MNAT1: variants seen among roughly 807,000 people sequenced by gnomAD.
MNAT1 encodes CDK-activating kinase assembly factor MAT1.
MNAT1 carries 43 observed loss-of-function variants against 42.0 expected under a neutral mutation model. That is an observed-to-expected ratio of 1.02 (90% CI 0.80 to 1.32). The LOEUF is 1.32. MNAT1 is among the 40% of genes most tolerant of loss of function. MNAT1 has a pLI of 0.00. For synonymous variants in MNAT1, 118 were observed against 120.0 expected, an observed-to-expected ratio of 0.98 and a Z score of 0.11; for missense variants, 306 against 350.4, an observed-to-expected ratio of 0.87 and a Z score of 1.01.
chr14:60,910,271 C>G (rs1433211680), intron 7 of MNAT1, among the ~76,000 whole-genome samples: 3 of 152,202 alleles, frequency 2.0e-5, no homozygotes, highest in East Asian at 1.9e-4. Context: ...CATCTGCAAA[C>G]AGGGACAATT....
In MNAT1 at chr14:60,937,838, A is replaced by G. The variant is rs556637517; in HGVS notation, c.810-30391A>G. 3.6e-3 allele frequency among the ~76,000 whole-genome samples: 551 copies of G among 151,862 alleles called. 3 individuals are homozygous for G. Among genetic ancestry groups the G allele is most frequent in the South Asian group, 0.025 (119 of 4,784 alleles). On this transcript the variant is annotated intron_variant, in intron 7 of 7. Transcript: ENST00000261245. Reference sequence around the variant, plus strand: ...CCTTGGGCAGTATGGCCATTTTCACAATATTGATTCTTCCTACCCATGAGC... The same window carrying G: ...CCTTGGGCAGTATGGCCATTTTCACGATATTGATTCTTCCTACCCATGAGC...
At chr14:60,869,040 A>ATATATATTTTTTTTTTTTTT (rs1465360826) in intron 6 of MNAT1, among the ~76,000 whole-genome samples, 1 of 113,054 alleles carries the variant, frequency 8.8e-6, no homozygotes, top group African/African-American at 3.4e-5. Context: ...ATATATATAT[A>ATATATATTTTTTTTTTTTTT]TTTTTTTTTT....
At chr14:60,965,627 T>A (rs2139627957) in intron 7 of MNAT1, among the ~76,000 whole-genome samples, 1 of 152,366 alleles carries the variant, frequency 6.6e-6, no homozygotes, top group Non-Finnish European at 1.5e-5. Flanking sequence ...AAACAGTTAG[T>A]TGCACAGTGG....
At chr14:60,828,017 T>C (rs965180228) in intron 6 of MNAT1, among the ~76,000 whole-genome samples, 5 of 152,184 alleles carry the variant, frequency 3.3e-5, no homozygotes, top group Non-Finnish European at 7.4e-5. Context: ...TTGGTGAGTA[T>C]TTTAATGTGA....
intron 7 of MNAT1, among the ~76,000 whole-genome samples, chr14:60,907,628 C>T (rs2035231248): frequency 6.6e-6 from 1 of 150,378 alleles, no homozygotes; most frequent in South Asian, 2.1e-4. Flanking sequence ...TAAAAAAATA[C>T]AAAATTAGCA....
chr14:60,919,999 G>T, intron 7 of MNAT1: 1 of 153,580 alleles, frequency 6.5e-6, no homozygotes, highest in South Asian at 1.8e-4. Context: ...TACTGCAGAT[G>T]ACAAAGGTAT....
chr14:60,750,295 C>A (rs2030021637), intron 1 of MNAT1, among the ~76,000 whole-genome samples: 1 of 151,104 alleles, frequency 6.6e-6, no homozygotes, highest in Admixed American at 6.6e-5. Flanking sequence ...GGCGCGATCT[C>A]GGCTCACTGC....
intron 6 of MNAT1, among the ~76,000 whole-genome samples, chr14:60,849,861 G>A (rs1171165403): frequency 1.3e-5 from 2 of 151,384 alleles, no homozygotes; most frequent in African/African-American, 4.9e-5. Context: ...TTTTTAAATG[G>A]GGTGTCACTC....
At chr14:60,833,639 C>CT (rs1391921409) in intron 6 of MNAT1, among the ~76,000 whole-genome samples, 1 of 152,006 alleles carries the variant, frequency 6.6e-6, no homozygotes, top group Admixed American at 6.6e-5. Flanking sequence ...CTGAAATTTT[C>CT]TTTTTTTGTT....
chr14:60,763,357 C>T (rs1247047972), intron 1 of MNAT1, among the ~76,000 whole-genome samples: 1 of 152,062 alleles, frequency 6.6e-6, no homozygotes, highest in East Asian at 1.9e-4. Flanking sequence ...TATTATTTTC[C>T]AGCATAGGTA....
At chr14:60,747,253 G>A (rs1169565055) in intron 1 of MNAT1, among the ~76,000 whole-genome samples, 1 of 151,922 alleles carries the variant, frequency 6.6e-6, no homozygotes. Context: ...CAAAGTGCTA[G>A]GATTACAGGC....
Position 60,750,387 on chromosome 14 carries a change from C to G in MNAT1, c.89+15436C>G, listed in dbSNP as rs565331637. ...GACTACAGGCATCTGCCACCACGCC[C>G]GGCCAATCTTTTTTGTATTTTATTA... On this transcript the variant is annotated intron_variant, in intron 1 of 7. Coordinates refer to ENST00000261245, the MANE Select transcript of MNAT1 (RefSeq NM_002431.4). Among the ~76,000 whole-genome samples, 134 of 151,924 alleles carry G rather than the reference C, an allele frequency of 8.8e-4. No homozygotes were observed. The South Asian group carries it at 0.022, about 25-fold the overall frequency.
intron 7 of MNAT1, among the ~76,000 whole-genome samples, chr14:60,888,326 T>A (rs928003207): frequency 7.2e-5 from 11 of 151,908 alleles, no homozygotes; most frequent in African/African-American, 1.5e-4. Context: ...TCCAGCATAT[T>A]AACAGAACCA....
intron 6 of MNAT1, among the ~76,000 whole-genome samples, chr14:60,871,645 A>T (rs974790728): frequency 1.3e-5 from 2 of 151,124 alleles, no homozygotes; most frequent in Admixed American, 6.6e-5. Flanking sequence ...TTTTTGACAC[A>T]GAGTTTCACT....
chr14:60,839,502 C>A (rs1047963546), intron 6 of MNAT1, among the ~76,000 whole-genome samples: 1 of 152,160 alleles, frequency 6.6e-6, no homozygotes, highest in Non-Finnish European at 1.5e-5. Flanking sequence ...GATAAAAACT[C>A]TGGACCAGGT....
chr14:60,784,869 T>A (rs76803864), intron 1 of MNAT1, among the ~76,000 whole-genome samples: 1 of 151,544 alleles, frequency 6.6e-6, no homozygotes, highest in South Asian at 2.1e-4. Context: ...TTTTTTTTTT[T>A]GAGAACGAGT....
At chr14:60,735,672 ATTGGAACCCAGGAAGTCTGACTT>A (rs1352186569) in intron 1 of MNAT1, among the ~76,000 whole-genome samples, 2 of 152,198 alleles carry the variant, frequency 1.3e-5, no homozygotes, top group African/African-American at 4.8e-5. Flanking sequence ...CCTTGAGAGA[ATTGGAACCCAGGAAGTCTGACTT>A]TAGAACGCCC....
chr14:60,838,145 C>A (rs1249047401), intron 6 of MNAT1, among the ~76,000 whole-genome samples: 2 of 146,200 alleles, frequency 1.4e-5, no homozygotes, highest in African/African-American at 5.0e-5. Flanking sequence ...TTTTTTTTTT[C>A]TTTTTTTTAG....
chr14:60,961,759 T>C (rs1467891706), intron 7 of MNAT1, among the ~76,000 whole-genome samples: 2 of 152,150 alleles, frequency 1.3e-5, no homozygotes, highest in African/African-American at 2.4e-5. Context: ...TTTTTGAGAA[T>C]GAATGAGCTG....
Sources: allele counts gnomAD v4.1 joint callset (sites outside exome capture counted in the v4.1 genomes callset), GRCh38; gene constraint gnomAD v4.1.1; transcripts MANE v1.5; gene names NCBI Gene and HGNC (gene_info 2026-07-23, HGNC 2026-07-21).